Variants in ASIC2 observed in about 807,000 individuals in gnomAD.
The protein encoded by ASIC2 is acid sensing ion channel subunit 2.
ASIC2 carries 25 observed loss-of-function variants against 57.3 expected under a neutral mutation model. The observed-to-expected ratio is 0.44, with a 90% CI of 0.32 to 0.61. The LOEUF (loss-of-function observed/expected upper bound fraction) is 0.61. ASIC2 is among the 20% of genes least tolerant of loss of function. The pLI is 0.06. For synonymous variants in ASIC2, 319 were observed against 307.5 expected (o/e 1.04, Z -0.39); for missense variants, 641 against 738.1 (o/e 0.87, Z 1.52).
chr17:33,032,209 T>C (rs1237116589), intron 3 of ASIC2, among the ~76,000 whole-genome samples: 2 of 152,168 alleles, frequency 1.3e-5, no homozygotes, highest in African/African-American at 4.8e-5. Flanking sequence ...TCTGACTCTT[T>C]TTGGGTTAAT....
intron 1 of ASIC2, among the ~76,000 whole-genome samples, chr17:33,867,089 C>T (rs1048523933): frequency 1.3e-5 from 2 of 152,176 alleles, no homozygotes; most frequent in Middle Eastern, 3.2e-3. Flanking sequence ...GAAACAGAGA[C>T]TTAAGGCAGA....
At chr17:33,384,775 C>T (rs189736794) in intron 1 of ASIC2, among the ~76,000 whole-genome samples, 1 of 152,326 alleles carries the variant, frequency 6.6e-6, no homozygotes, top group East Asian at 1.9e-4. Flanking sequence ...CCAGCCCAAG[C>T]CAATCTGAGT....
intron 1 of ASIC2, among the ~76,000 whole-genome samples, chr17:33,686,938 A>G (rs1427054671): frequency 3.3e-5 from 5 of 152,080 alleles, no homozygotes; most frequent in Non-Finnish European, 5.9e-5. Flanking sequence ...ATAAACCTAA[A>G]TGCAGTCTAG....
At chr17:33,017,540 G>C (rs1341833742) in intron 8 of ASIC2, 65 bp downstream of exon 8, 5 of 1,407,914 alleles carry the variant, frequency 3.6e-6, no homozygotes, top group Non-Finnish European at 5.0e-6. Flanking sequence ...CTATGATTCT[G>C]AACCTGGGGC....
At chr17:33,639,393 G>A (rs1020181532) in intron 1 of ASIC2, among the ~76,000 whole-genome samples, 17 of 152,232 alleles carry the variant, frequency 1.1e-4, no homozygotes, top group African/African-American at 3.9e-4. Context: ...AACACTCCAT[G>A]GTCCATGTGA....
intron 1 of ASIC2, among the ~76,000 whole-genome samples, chr17:33,315,204 G>T (rs1906595846): frequency 6.6e-6 from 1 of 152,162 alleles, no homozygotes; most frequent in Non-Finnish European, 1.5e-5. Flanking sequence ...TATCTAGTGG[G>T]TACTGAATGC....
intron 1 of ASIC2, among the ~76,000 whole-genome samples, chr17:33,762,002 A>C (rs897118122): frequency 1.3e-5 from 2 of 152,202 alleles, no homozygotes; most frequent in African/African-American, 4.8e-5. Context: ...GGATGAAGGC[A>C]TGGAAAAACT....
At position 33,656,148 on chromosome 17, in the gene ASIC2, G is replaced by T. The variant is rs180913643; in HGVS notation, c.555+499830C>A. On this transcript the variant is annotated intron_variant, in intron 1 of 9. Coordinates refer to the ASIC2 transcript ENST00000359872. ...GAAAAAAGGCTTTATGCTCAGAGAA[G>T]CTCATAATCATATTATGGGATTATA... is the stretch of plus-strand genomic sequence containing the variant. Among the ~76,000 whole-genome samples, 375 of 152,086 alleles carry T rather than the reference G, an allele frequency of 2.5e-3. 1 individual carries two copies. Among genetic ancestry groups the T allele is most frequent in the Non-Finnish European group, 4.1e-3 (282 of 68,008 alleles).
At chr17:33,546,172 T>C (rs950710145) in intron 1 of ASIC2, among the ~76,000 whole-genome samples, 6 of 150,224 alleles carry the variant, frequency 4.0e-5, no homozygotes, top group Non-Finnish European at 7.4e-5. Context: ...CATAAGTATA[T>C]GTAAATATAT....
rs150626059 is a variant in ASIC2 at position 33,884,403 on chromosome 17, C to G, written c.555+271575G>C. On this transcript the variant is annotated intron_variant, in intron 1 of 9. Transcript: ENST00000359872. ...CTGTTGCTTGTTCCTGGATGCTTCTCCATAGTTATCAGTTCCCTGATCCCT... is the reference window on the plus strand; with the variant it reads ...CTGTTGCTTGTTCCTGGATGCTTCTGCATAGTTATCAGTTCCCTGATCCCT... Among the ~76,000 whole-genome samples the G allele has an allele frequency of 3.7e-3, 560 of 152,264 alleles. 4 individuals carry two copies. Among genetic ancestry groups the G allele is most frequent in the African/African-American group, 0.013 (533 of 41,542 alleles).
chr17:33,540,321 C>T (rs1400639863), intron 1 of ASIC2, among the ~76,000 whole-genome samples: 1 of 152,292 alleles, frequency 6.6e-6, no homozygotes, highest in Non-Finnish European at 1.5e-5. Flanking sequence ...CTAATGACCT[C>T]ATTTTAATTT....
chr17:33,492,111 T>G (rs1180728208), intron 1 of ASIC2, among the ~76,000 whole-genome samples: 1 of 152,230 alleles, frequency 6.6e-6, no homozygotes, highest in Non-Finnish European at 1.5e-5. Flanking sequence ...AGGGCCTTGC[T>G]AGAAGTTGCA....
intron 1 of ASIC2, among the ~76,000 whole-genome samples, chr17:33,511,266 A>G (rs1914424332): frequency 6.6e-6 from 1 of 152,124 alleles, no homozygotes; most frequent in Non-Finnish European, 1.5e-5. Context: ...TGACTCTCCA[A>G]TAGAGGGTAG....
At chr17:33,270,113 T>A (rs981039206) in intron 1 of ASIC2, among the ~76,000 whole-genome samples, 3 of 152,228 alleles carry the variant, frequency 2.0e-5, no homozygotes, top group African/African-American at 7.2e-5. Flanking sequence ...TTTTTTTGAA[T>A]CAATAAACTA....
intron 1 of ASIC2, among the ~76,000 whole-genome samples, chr17:33,170,982 T>C (rs1905497967): frequency 6.6e-6 from 1 of 152,154 alleles, no homozygotes; most frequent in South Asian, 2.1e-4. Context: ...GGCCTTCAGA[T>C]GTGTGATGTT....
At chr17:34,020,781 G>A (rs756787167) in intron 1 of ASIC2, among the ~76,000 whole-genome samples, 2 of 152,094 alleles carry the variant, frequency 1.3e-5, no homozygotes, top group Admixed American at 6.5e-5. Context: ...ATGCAGCCCC[G>A]CCCGCACCGT....
Position 33,013,896 on chromosome 17 carries a change from G to T in ASIC2, c.*69C>A. 3 of 1,345,348 alleles carry T rather than the reference G, an allele frequency of 2.2e-6. No individual in the cohort carries two copies. The highest frequency in any genetic ancestry group is 3.1e-6 in the Non-Finnish European group (3 of 958,802). The allele number at this position is 1,345,348 out of a possible 1,614,324, so 83.3% of individuals were successfully genotyped here. On this transcript the variant is annotated 3_prime_UTR_variant, in exon 10 of 10. Coordinates refer to ENST00000225823, the MANE Select transcript of ASIC2 (RefSeq NM_183377.2). ...CACTGGGGCCATCCCACCTGAGCTTGCTGTTCCTTGTCCTGGGTCTTGGGC... is the reference window on the plus strand; with the variant it reads ...CACTGGGGCCATCCCACCTGAGCTTTCTGTTCCTTGTCCTGGGTCTTGGGC...
chr17:33,214,605 A>T (rs1038928230), intron 1 of ASIC2, among the ~76,000 whole-genome samples: 2 of 152,140 alleles, frequency 1.3e-5, no homozygotes, highest in African/African-American at 4.8e-5. Context: ...TACTGTACAT[A>T]TGAGCTACTT....
chr17:33,291,609 C>T lies in ASIC2; in HGVS notation c.507G>A (p.Pro169=). The change falls in exon 1 of 10, where the codon CCG becomes CCA. Residue 169 remains proline (P), a synonymous_variant. Transcript: ENST00000225823. ...CGCCCCGCAGCAGCTCGCTGACAAG[C>T]GGGCGCGCGGTGCGGTTGGGCAGCA... ...GLLLPNRTAR[P]LVSELLRGDE... The T allele has an allele frequency of 6.2e-7, 1 of 1,607,772 alleles. No homozygotes were observed. Among genetic ancestry groups the T allele is most frequent in the Non-Finnish European group, 8.5e-7 (1 of 1,177,940 alleles).
Sources: gnomAD v4.1 joint callset for allele counts (sites outside exome capture counted in the v4.1 genomes callset) on GRCh38, gnomAD v4.1.1 for gene constraint, MANE v1.5 for transcripts, NCBI Gene and HGNC (gene_info 2026-07-23, HGNC 2026-07-21) for gene names.